The following GALNT13 variants were observed in gnomAD, a reference collection of about 807,000 sequenced individuals.
The protein encoded by GALNT13 is polypeptide N-acetylgalactosaminyltransferase 13.
Under a neutral mutation model 64.2 loss-of-function variants are expected in GALNT13, and 28 were observed. The observed-to-expected ratio is 0.44, with a 90% CI of 0.32 to 0.60. GALNT13 has a LOEUF of 0.60. Among genes scored for constraint, GALNT13 ranks in the 20% least tolerant of loss-of-function variants. The pLI is 0.05. For synonymous variants in GALNT13, 214 were observed against 224.6 expected (o/e 0.95, Z 0.42); for missense variants, 577 against 669.8 (o/e 0.86, Z 1.53).
downstream of GALNT13, among the ~76,000 whole-genome samples, chr2:154,455,399 T>C (rs1702018943): frequency 6.6e-6 from 1 of 152,196 alleles, no homozygotes; most frequent in Non-Finnish European, 1.5e-5. Flanking sequence ...ATTTTAGAAA[T>C]TCAAATTTTT....
chr2:154,273,456 C>G (rs766311536), intron 8 of GALNT13, among the ~76,000 whole-genome samples: 2 of 152,130 alleles, frequency 1.3e-5, no homozygotes, highest in African/African-American at 4.8e-5. Context: ...GTCATCCTCT[C>G]AGAATAATGT....
the GALNT13 span, among the ~76,000 whole-genome samples, chr2:153,752,237 C>T: frequency 3.9e-5 from 6 of 152,080 alleles, no homozygotes; most frequent in East Asian, 1.2e-3. Flanking sequence ...ATCATTTGGT[C>T]TTTCTACTTA....
chr2:154,200,790 CT>C (rs1687128847), intron 4 of GALNT13, among the ~76,000 whole-genome samples: 1 of 152,046 alleles, frequency 6.6e-6, no homozygotes, highest in Non-Finnish European at 1.5e-5. Flanking sequence ...ATTTTAACAC[CT>C]GAATTTTGGA....
chr2:154,203,205 G>A (rs1258525174), intron 4 of GALNT13, among the ~76,000 whole-genome samples: 2 of 152,048 alleles, frequency 1.3e-5, no homozygotes, highest in African/African-American at 2.4e-5. Context: ...AGCCATTTTC[G>A]CCTTGAGCAA....
At chr2:154,029,006 A>G (rs1698164382) in intron 3 of GALNT13, among the ~76,000 whole-genome samples, 1 of 152,026 alleles carries the variant, frequency 6.6e-6, no homozygotes, top group African/African-American at 2.4e-5. Flanking sequence ...AGATAGCAGT[A>G]AGAATTTAGC....
the GALNT13 span, among the ~76,000 whole-genome samples, chr2:153,093,011 G>A: frequency 6.6e-6 from 1 of 151,494 alleles, no homozygotes; most frequent in African/African-American, 2.4e-5. Context: ...TTATTATGTT[G>A]AGGTATATGC....
the GALNT13 span, among the ~76,000 whole-genome samples, chr2:153,793,380 C>G: frequency 6.6e-6 from 1 of 152,180 alleles, no homozygotes; most frequent in South Asian, 2.1e-4. Context: ...TAAAAATGTT[C>G]TTGCACTTTC....
At chr2:154,356,067 A>G (rs946515906) in intron 9 of GALNT13, among the ~76,000 whole-genome samples, 75 of 152,172 alleles carry the variant, frequency 4.9e-4, no homozygotes, top group African/African-American at 1.8e-3. Flanking sequence ...TCTACTAAAC[A>G]CAATTTCAAA....
chr2:153,561,089 A>G, the GALNT13 span, among the ~76,000 whole-genome samples: 1 of 151,816 alleles, frequency 6.6e-6, no homozygotes, highest in African/African-American at 2.4e-5. Context: ...CTTCCATTAT[A>G]TCTTGCTAAG....
the GALNT13 span, among the ~76,000 whole-genome samples, chr2:153,635,415 TACAC>T: frequency 8.2e-6 from 1 of 122,674 alleles, no homozygotes; most frequent in Non-Finnish European, 1.7e-5. Context: ...TATATATATA[TACAC>T]ATATATATGT....
At chr2:154,269,198 T>C (rs2105918440) in intron 8 of GALNT13, among the ~76,000 whole-genome samples, 1 of 152,214 alleles carries the variant, frequency 6.6e-6, no homozygotes, top group Non-Finnish European at 1.5e-5. Context: ...CTTTAGGGGC[T>C]TATAGTATCC....
chr2:154,135,549 A>T (rs1682901324), intron 3 of GALNT13, among the ~76,000 whole-genome samples: 1 of 152,246 alleles, frequency 6.6e-6, no homozygotes, highest in African/African-American at 2.4e-5. Flanking sequence ...TACATTAAAT[A>T]GAATAAATTT....
At chr2:153,726,210 C>A in the GALNT13 span, among the ~76,000 whole-genome samples, 2 of 152,016 alleles carry the variant, frequency 1.3e-5, no homozygotes, top group African/African-American at 4.8e-5. Flanking sequence ...TATAAATGAA[C>A]TTTACATATT....
intron 1 of GALNT13, among the ~76,000 whole-genome samples, chr2:153,878,927 C>G (rs1194636991): frequency 6.6e-6 from 1 of 152,142 alleles, no homozygotes; most frequent in East Asian, 1.9e-4. Flanking sequence ...AGTTTCATTT[C>G]TACCAAAGCA....
chr2:153,258,208 T>C, the GALNT13 span, among the ~76,000 whole-genome samples: 1 of 152,204 alleles, frequency 6.6e-6, no homozygotes. Context: ...AGACAAAATA[T>C]AGTAATACTA....
chr2:153,664,420 G>T, the GALNT13 span, among the ~76,000 whole-genome samples: 1 of 152,096 alleles, frequency 6.6e-6, no homozygotes, highest in African/African-American at 2.4e-5. Flanking sequence ...CCTGAAAATC[G>T]CTGTTATCCT....
At chr2:153,645,345 G>A in the GALNT13 span, among the ~76,000 whole-genome samples, 1 of 151,934 alleles carries the variant, frequency 6.6e-6, no homozygotes, top group Admixed American at 6.6e-5. Flanking sequence ...TCATAGTATT[G>A]TAGAAATAAT....
chr2:154,329,027 T>A (rs1409338714), intron 9 of GALNT13, among the ~76,000 whole-genome samples: 1 of 152,098 alleles, frequency 6.6e-6, no homozygotes, highest in South Asian at 2.1e-4. Context: ...CTTAAGGTAT[T>A]CTATATACTT....
chr2:154,431,341 G>GA (rs1700701211), intron 11 of GALNT13, among the ~76,000 whole-genome samples: 2 of 152,038 alleles, frequency 1.3e-5, no homozygotes, highest in Admixed American at 1.3e-4. Context: ...AGAGATTTGA[G>GA]AAAACGTTTG....
Sources: allele counts gnomAD v4.1 joint callset (sites outside exome capture counted in the v4.1 genomes callset), GRCh38; gene constraint gnomAD v4.1.1; transcripts MANE v1.5; gene names NCBI Gene and HGNC (gene_info 2026-07-23, HGNC 2026-07-21).